Variants in DSC3 observed in about 807,000 individuals in gnomAD.
DSC3 encodes the protein desmocollin-3.
A neutral mutation model predicts 89.5 loss-of-function variants in DSC3; 97 were observed. The ratio of observed to expected loss-of-function variants is 1.08; its 90% CI spans 0.92 to 1.28. The LOEUF is 1.28. Among genes scored for constraint, DSC3 ranks in the 50% most tolerant of loss-of-function variants. The pLI is 0.00. For missense variants in DSC3, 1,199 were observed against 1,085.3 expected, an observed-to-expected ratio of 1.10 and a Z score of -1.47; for synonymous variants, 436 against 384.1, an observed-to-expected ratio of 1.14 and a Z score of -1.58.
chr18:31,031,699 A>C (rs116543292), intron 2 of DSC3, among the ~76,000 whole-genome samples: 2,061 of 152,238 alleles, frequency 0.014, 58 homozygotes, highest in African/African-American at 0.047. Context: ...TGGAGGCCCA[A>C]AATACTCTGT....
chr18:31,023,043 G>A (rs1378268761), intron 6 of DSC3, among the ~76,000 whole-genome samples: 3 of 152,080 alleles, frequency 2.0e-5, no homozygotes, highest in African/African-American at 7.2e-5. Flanking sequence ...TAACTGGTCT[G>A]AACCTACTGA....
intron 1 of DSC3, 131 bp from the exon 2 acceptor site, chr18:31,032,407 A>T: frequency 1.4e-6 from 1 of 706,902 alleles, no homozygotes; most frequent in Non-Finnish European, 2.5e-6. Flanking sequence ...GCAAACTAGG[A>T]ATAGAAAGGA....
At position 30,990,275 on chromosome 18, in the gene DSC3, G is replaced by A. The variant is rs1984190482; in HGVS notation, c.*3900C>T. ...TTTCAAAGGTCACACAGAAGTAAGT[G>A]ACAGATCCAGGATTCATATCCAAGC... On this transcript the variant is annotated 3_prime_UTR_variant, in exon 16 of 16. Transcript: ENST00000360428. The A allele has an allele frequency of 6.6e-6, 1 of 152,146 alleles. No individual in the cohort carries two copies. Among genetic ancestry groups the A allele is most frequent in the East Asian group, 1.9e-4 (1 of 5,188 alleles). The allele number at this position is 152,146 out of a possible 1,614,324, so 9.4% of individuals were successfully genotyped here.
chr18:31,008,294 C>T lies in DSC3; in HGVS notation c.1495G>A (p.Glu499Lys), dbSNP rs146113185. 665 of 1,613,972 alleles carry T rather than the reference C, an allele frequency of 4.1e-4. 3 individuals are homozygous for T. The African/African-American group carries it at 8.0e-3, about 19-fold the overall frequency. Residue 499 changes from glutamate to lysine, a missense_variant, in exon 10 of 16, where the codon GAA becomes AAA. Glu to Lys is a moderately conservative substitution (Grantham distance 56, BLOSUM62 1). Transcript: ENST00000360428. ...KINGYKAYDP[E>K]NRNGNGLRYK... ...CTTAAACCATTGCCATTTCTATTTT[C>T]GGGGTCATATGCCTTATAGCCGTTG...
chr18:31,004,693 A>G (rs1984779477), intron 12 of DSC3, among the ~76,000 whole-genome samples: 1 of 151,686 alleles, frequency 6.6e-6, no homozygotes, highest in South Asian at 2.1e-4. Flanking sequence ...TTTAGTACCA[A>G]TGTATCTACA....
chr18:30,995,779 C>T (rs1231751971), intron 15 of DSC3, among the ~76,000 whole-genome samples: 1 of 151,732 alleles, frequency 6.6e-6, no homozygotes, highest in African/African-American at 2.4e-5. Flanking sequence ...GGAGACCAAC[C>T]TGGGCAACAT....
At chr18:31,026,216 G>A (rs1488101963) in intron 4 of DSC3, among the ~76,000 whole-genome samples, 3 of 151,992 alleles carry the variant, frequency 2.0e-5, no homozygotes, top group African/African-American at 7.2e-5. Context: ...GGAACAGGCT[G>A]GTGTTTTACC....
chr18:30,996,103 TA>T (rs1362832136), intron 15 of DSC3, among the ~76,000 whole-genome samples: 1 of 151,476 alleles, frequency 6.6e-6, no homozygotes, highest in Non-Finnish European at 1.5e-5. Context: ...TTCCTTAAAA[TA>T]AAAGCACTTT....
chr18:31,022,351 A>T lies in DSC3; in HGVS notation c.927T>A (p.His309Gln). Residue 309 changes from histidine to glutamine, a missense_variant, in exon 7 of 16, where the codon CAT becomes CAA. Coordinates refer to ENST00000360428, the MANE Select transcript of DSC3 (RefSeq NM_001941.5). The stretch of plus-strand genomic sequence containing the variant: ...TGTGAGCTACCTCTCTGTCCAAATA[A>T]TGAGAGACTGTGGTGATTACGCCTG... ...PSTGVITTVSHYLDREVVDKY... is the reference protein window; with the variant it reads ...PSTGVITTVSQYLDREVVDKY... The T allele has an allele frequency of 6.2e-7, 1 of 1,613,932 alleles. No homozygotes were observed. The highest frequency in any genetic ancestry group is 8.5e-7 in the Non-Finnish European group (1 of 1,179,892).
chr18:31,031,628 T>C (rs917585036), intron 2 of DSC3, among the ~76,000 whole-genome samples: 1 of 152,186 alleles, frequency 6.6e-6, no homozygotes, highest in African/African-American at 2.4e-5. Flanking sequence ...AGAGTCATGT[T>C]AGAAAAATCC....
intron 3 of DSC3, among the ~76,000 whole-genome samples, chr18:31,030,657 G>A (rs1483186448): frequency 6.6e-6 from 1 of 151,652 alleles, no homozygotes; most frequent in Non-Finnish European, 1.5e-5. Flanking sequence ...AGAGAGAGAG[G>A]GAGAGACAAA....
rs1480081427 is a variant in DSC3 at position 31,032,155 on chromosome 18, A to G, written c.154+37T>C. On this transcript the variant is annotated intron_variant, in intron 2 of 15. Transcript: ENST00000360428. ...ATGCTCTTTCCAGCCTATGTAAACT[A>G]AATTTCTGCTTTAAAAAGACTTTTA... 2.0e-6 allele frequency: 3 copies of G among 1,464,456 alleles called. No individual in the cohort carries two copies. In the South Asian group the frequency reaches 3.4e-5, roughly 17 times the overall value. 90.7% of individuals were successfully genotyped at this position (1,464,456 alleles called of 1,614,324 possible).
intron 1 of DSC3, among the ~76,000 whole-genome samples, chr18:31,035,214 T>C (rs1404222369): frequency 6.6e-6 from 1 of 152,102 alleles, no homozygotes; most frequent in East Asian, 1.9e-4. Context: ...TATATACAAA[T>C]ATATACATTA....
chr18:31,006,622 T>C (rs1233250161), intron 12 of DSC3, among the ~76,000 whole-genome samples: 2 of 152,128 alleles, frequency 1.3e-5, no homozygotes, highest in African/African-American at 4.8e-5. Context: ...TTTAAAAACA[T>C]GCACACACAC....
chr18:31,024,018 C>A (rs758762039), intron 6 of DSC3, among the ~76,000 whole-genome samples: 1 of 152,028 alleles, frequency 6.6e-6, no homozygotes, highest in Non-Finnish European at 1.5e-5. Context: ...TTCATTCCAC[C>A]CTGCATGTCC....
At chr18:31,010,129 T>C (rs1985008481) in intron 9 of DSC3, among the ~76,000 whole-genome samples, 2 of 152,204 alleles carry the variant, frequency 1.3e-5, no homozygotes, top group African/African-American at 4.8e-5. Flanking sequence ...ACCTAGGTAT[T>C]AACAGAGTAA....
chr18:31,030,955 TTAATGTA>T lies in DSC3; in HGVS notation c.354+11_354+17del. The T allele has an allele frequency of 6.2e-7, 1 of 1,606,536 alleles. No individual in the cohort carries two copies. The highest frequency in any genetic ancestry group is 8.5e-7 in the Non-Finnish European group (1 of 1,173,398). On this transcript the variant is annotated intron_variant, in intron 3 of 15. Transcript: ENST00000360428. ...TTAATGAAAAAATGACTGAAAATAT[TTAATGTA>T]CTTTAAATACCTTCTTCTGATGTTC...
rs201278538 is a variant in DSC3, at chr18:30,992,178, G to C, written c.*1997C>G. Reference sequence around the variant, plus strand: ...GAGACTCCGTCTCAAAAAAAAAAGGGGGGGGGGGGGGCAATAAAAAGTCTA... The same window carrying C: ...GAGACTCCGTCTCAAAAAAAAAAGGCGGGGGGGGGGGCAATAAAAAGTCTA... On this transcript the variant is annotated 3_prime_UTR_variant, in exon 16 of 16. Coordinates refer to ENST00000360428, the MANE Select transcript of DSC3 (RefSeq NM_001941.5). 3 of 16,646 alleles carry C rather than the reference G, an allele frequency of 1.8e-4. No individual in the cohort carries two copies. Among genetic ancestry groups the C allele is most frequent in the South Asian group, 4.2e-3 (1 of 236 alleles). 1.0% of individuals were successfully genotyped at this position (16,646 alleles called of 1,614,324 possible). A position where few individuals can be genotyped will look rare whatever the true frequency, so the allele number is the denominator to read the frequency against.
intron 15 of DSC3, among the ~76,000 whole-genome samples, chr18:30,995,995 A>AAAAAG (rs1423593921): frequency 6.1e-5 from 9 of 147,854 alleles, no homozygotes; most frequent in Admixed American, 2.7e-4. Context: ...AAAAAAAAAA[A>AAAAAG]AAAAGAAAAG....
Sources: gnomAD v4.1 joint callset for allele counts (sites outside exome capture counted in the v4.1 genomes callset) on GRCh38, gnomAD v4.1.1 for gene constraint, MANE v1.5 for transcripts, NCBI Gene and HGNC (gene_info 2026-07-23, HGNC 2026-07-21) for gene names.